The following PTPRD variants were observed in gnomAD, a reference collection of about 807,000 sequenced individuals.
PTPRD encodes the protein receptor-type tyrosine-protein phosphatase delta.
Under a neutral mutation model 214.5 loss-of-function variants are expected in PTPRD, and 34 were observed. The ratio of observed to expected loss-of-function variants is 0.16; its 90% confidence interval spans 0.12 to 0.21. PTPRD has a LOEUF of 0.21. Among genes scored for constraint, PTPRD ranks in the 10% least tolerant of loss-of-function variants. The pLI, the probability that PTPRD is intolerant of heterozygous loss-of-function variation, is 1.00. For missense variants in PTPRD, 2,545 were observed against 2,398.7 expected (o/e 1.06, Z -1.27); for synonymous variants, 1,128 against 845.7 (o/e 1.33, Z -5.79).
chr9:9,012,002 C>T (rs2099513726), intron 11 of PTPRD, among the ~76,000 whole-genome samples: 1 of 152,154 alleles, frequency 6.6e-6, no homozygotes, highest in South Asian at 2.1e-4. Flanking sequence ...TAAGCCTCCA[C>T]CTTGCTATCA....
chr9:9,762,982 G>T (rs966215964), intron 6 of PTPRD, among the ~76,000 whole-genome samples: 3 of 152,158 alleles, frequency 2.0e-5, no homozygotes, highest in African/African-American at 7.2e-5. Flanking sequence ...CTTGTTGGTG[G>T]TTGCCATCTT....
chr9:9,926,551 A>C (rs2084380381), intron 5 of PTPRD, among the ~76,000 whole-genome samples: 1 of 152,172 alleles, frequency 6.6e-6, no homozygotes, highest in Admixed American at 6.5e-5. Flanking sequence ...AAAAAACCAA[A>C]CTCTATGATT....
At chr9:8,683,846 G>C (rs1314269535) in intron 12 of PTPRD, among the ~76,000 whole-genome samples, 1 of 152,194 alleles carries the variant, frequency 6.6e-6, no homozygotes, top group East Asian at 1.9e-4. Flanking sequence ...CCAGAACCAG[G>C]AGTCCTGGGC....
chr9:9,028,951 T>C (rs562322158), intron 10 of PTPRD, among the ~76,000 whole-genome samples: 1 of 151,994 alleles, frequency 6.6e-6, no homozygotes, highest in East Asian at 1.9e-4. Context: ...ATAGAGTATT[T>C]TGTAGAGCTG....
intron 14 of PTPRD, among the ~76,000 whole-genome samples, chr9:8,572,680 A>C (rs1199698997): frequency 6.6e-6 from 1 of 152,064 alleles, no homozygotes; most frequent in Non-Finnish European, 1.5e-5. Context: ...GGAGGCATTC[A>C]GAAATAGATT....
intron 2 of PTPRD, among the ~76,000 whole-genome samples, chr9:10,391,876 G>T (rs1378257167): frequency 1.3e-5 from 2 of 151,658 alleles, no homozygotes; most frequent in Non-Finnish European, 2.9e-5. Context: ...ATGGCATCTT[G>T]GGTTTCTGCA....
chr9:8,879,298 T>C (rs1034972410), intron 11 of PTPRD, among the ~76,000 whole-genome samples: 1 of 152,182 alleles, frequency 6.6e-6, no homozygotes, highest in Non-Finnish European at 1.5e-5. Context: ...AAAATAAATG[T>C]GCTGAGCATT....
chr9:9,353,061 T>C (rs116376611), intron 9 of PTPRD, among the ~76,000 whole-genome samples: 1,752 of 152,038 alleles, frequency 0.012, 31 homozygotes, highest in African/African-American at 0.04. Flanking sequence ...GGAGAAATCA[T>C]GTGGGAGCCC....
chr9:10,374,267 A>G (rs2097685968), intron 2 of PTPRD, among the ~76,000 whole-genome samples: 1 of 152,058 alleles, frequency 6.6e-6, no homozygotes, highest in South Asian at 2.1e-4. Context: ...GTCAAAATAC[A>G]GAAGTTTGAA....
intron 39 of PTPRD, among the ~76,000 whole-genome samples, chr9:8,342,435 C>T (rs1464364744): frequency 6.6e-6 from 1 of 152,080 alleles, no homozygotes; most frequent in Non-Finnish European, 1.5e-5. Context: ...TTTACAGTCT[C>T]AAGCTAAACC....
chr9:10,452,696 T>G (rs139193911), intron 2 of PTPRD, among the ~76,000 whole-genome samples: 1 of 151,924 alleles, frequency 6.6e-6, no homozygotes, highest in East Asian at 1.9e-4. Context: ...AGCTATTGAG[T>G]TGTATGAGTT....
chr9:9,630,229 T>C (rs2095547301), intron 7 of PTPRD, among the ~76,000 whole-genome samples: 1 of 152,228 alleles, frequency 6.6e-6, no homozygotes, highest in South Asian at 2.1e-4. Flanking sequence ...GGGGATAGGT[T>C]GGAGGTTGCC....
At chr9:10,269,457 C>T (rs548205203) in intron 3 of PTPRD, among the ~76,000 whole-genome samples, 1 of 151,706 alleles carries the variant, frequency 6.6e-6, no homozygotes, top group South Asian at 2.1e-4. Flanking sequence ...TACATATTTG[C>T]CCTGTTCTGA....
intron 8 of PTPRD, among the ~76,000 whole-genome samples, chr9:9,400,767 C>G (rs2070061649): frequency 6.6e-6 from 1 of 152,008 alleles, no homozygotes; most frequent in Non-Finnish European, 1.5e-5. Flanking sequence ...GAAATGGAGT[C>G]AAACCAAATC....
intron 14 of PTPRD, among the ~76,000 whole-genome samples, chr9:8,565,035 A>C (rs1249100595): frequency 6.6e-6 from 1 of 152,208 alleles, no homozygotes; most frequent in East Asian, 1.9e-4. Flanking sequence ...ATGCCCTCAA[A>C]TGAAAGTAAT....
chr9:10,514,427 C>A (rs1202872667), intron 2 of PTPRD, among the ~76,000 whole-genome samples: 1 of 151,318 alleles, frequency 6.6e-6, no homozygotes, highest in African/African-American at 2.4e-5. Context: ...AGTATATATA[C>A]ACCATAGTTT....
chr9:8,340,554 C>G (rs548584523), intron 41 of PTPRD, 85 bp from the exon 42 acceptor site: 1 of 1,351,126 alleles, frequency 7.4e-7, no homozygotes, highest in Non-Finnish European at 9.8e-7. Context: ...CATCAACCTG[C>G]TAATAAAAAA....
intron 2 of PTPRD, among the ~76,000 whole-genome samples, chr9:10,433,476 T>C (rs1054453834): frequency 3.3e-5 from 5 of 151,982 alleles, no homozygotes; most frequent in African/African-American, 4.8e-5. Flanking sequence ...AGGGATATCC[T>C]CTGCTCTTTG....
intron 3 of PTPRD, among the ~76,000 whole-genome samples, chr9:10,204,080 C>T (rs2099451408): frequency 6.6e-6 from 1 of 152,088 alleles, no homozygotes; most frequent in Non-Finnish European, 1.5e-5. Context: ...TGTGCCATTG[C>T]TGCTAAATCT....
Sources: allele counts gnomAD v4.1 joint callset (sites outside exome capture counted in the v4.1 genomes callset), GRCh38; gene constraint gnomAD v4.1.1; transcripts MANE v1.5; gene names NCBI Gene and HGNC (gene_info 2026-07-23, HGNC 2026-07-21).